Variants in ADORA2B observed in about 807,000 individuals in gnomAD.
ADORA2B encodes the protein adenosine A2b receptor, also known as adenosine receptor A2b.
In ADORA2B, 18 loss-of-function variants were observed where a neutral mutation model predicts 20.8. The observed-to-expected ratio is 0.87, with a 90% CI of 0.60 to 1.29. ADORA2B has a LOEUF of 1.29. ADORA2B is among the 50% of genes most tolerant of loss of function. The pLI is 0.00. For missense variants in ADORA2B, 441 were observed against 422.7 expected, an observed-to-expected ratio of 1.04 and a Z score of -0.38; for synonymous variants, 179 against 178.3, an observed-to-expected ratio of 1.00 and a Z score of -0.03.
chr17:15,943,425 C>T (rs1398384465), upstream of ADORA2B, among the ~76,000 whole-genome samples: 2 of 152,196 alleles, frequency 1.3e-5, no homozygotes, highest in African/African-American at 4.8e-5. Context: ...CCCCTGGCCT[C>T]AAAGGATCCT....
chr17:15,964,858 G>A (rs546601272), intron 1 of ADORA2B, among the ~76,000 whole-genome samples: 15 of 151,846 alleles, frequency 9.9e-5, no homozygotes, highest in South Asian at 2.1e-4. Context: ...TCAGGAGATC[G>A]AGACCATCCT....
At position 15,975,525 on chromosome 17, in the gene ADORA2B, T is replaced by G. The variant is rs954203409; in HGVS notation, c.*183T>G. The G allele has an allele frequency of 5.8e-5, 36 of 615,642 alleles. No individual in the cohort carries two copies. Among genetic ancestry groups the G allele is most frequent in the Non-Finnish European group, 9.3e-5 (33 of 354,894 alleles). The allele number at this position is 615,642 out of a possible 1,614,324, so 38.1% of individuals were successfully genotyped here. ...TGTGTCAGTAGTAGGCTCCAAGGAT[T>G]GACAAATATATTTATGATCTATTCA... is the stretch of plus-strand genomic sequence containing the variant. On this transcript the variant is annotated 3_prime_UTR_variant, in exon 2 of 2. Transcript: ENST00000304222.
At chr17:15,914,393 A>G in the ADORA2B span, among the ~76,000 whole-genome samples, 1 of 152,104 alleles carries the variant, frequency 6.6e-6, no homozygotes, top group Non-Finnish European at 1.5e-5. Context: ...TTGTAGAGAG[A>G]GGGCTCTTGC....
the ADORA2B span, among the ~76,000 whole-genome samples, chr17:15,867,902 T>A: frequency 2.0e-5 from 3 of 151,986 alleles, no homozygotes; most frequent in Non-Finnish European, 4.4e-5. Flanking sequence ...CGGGTCATGA[T>A]GACAATGGCG....
At chr17:15,875,760 T>G in the ADORA2B span, among the ~76,000 whole-genome samples, 1 of 152,184 alleles carries the variant, frequency 6.6e-6, no homozygotes. Flanking sequence ...TTTTTGTATT[T>G]TTAGTAGACG....
chr17:15,890,582 A>C, the ADORA2B span, among the ~76,000 whole-genome samples: 1 of 150,796 alleles, frequency 6.6e-6, no homozygotes, highest in Non-Finnish European at 1.5e-5. Context: ...TAATGTTGTA[A>C]TTTTGGTTTT....
chr17:15,975,465 T>G lies in ADORA2B; in HGVS notation c.*123T>G. ...GAAATGGACTGCCTCTCTTGAGCAC[T>G]TCCCTGGAGCTACCACGTATCTAGC... On this transcript the variant is annotated 3_prime_UTR_variant, in exon 2 of 2. Transcript: ENST00000304222. The G allele has an allele frequency of 1.0e-6, 1 of 971,568 alleles. No homozygotes were observed. The highest frequency in any genetic ancestry group is 1.5e-6 in the Non-Finnish European group (1 of 659,926). 60.2% of individuals were successfully genotyped at this position (971,568 alleles called of 1,614,324 possible). A position where few individuals can be genotyped will look rare whatever the true frequency, so the allele number is the denominator to read the frequency against.
At chr17:15,907,644 T>C in the ADORA2B span, among the ~76,000 whole-genome samples, 1 of 151,914 alleles carries the variant, frequency 6.6e-6, no homozygotes, top group Non-Finnish European at 1.5e-5. Context: ...ACCAGCAAAT[T>C]AGCAAAAAAT....
intron 1 of ADORA2B, among the ~76,000 whole-genome samples, chr17:15,972,334 C>G (rs1970198817): frequency 6.6e-6 from 1 of 152,202 alleles, no homozygotes; most frequent in African/African-American, 2.4e-5. Context: ...GGCAAGTCTT[C>G]AGGTAATGTC....
At chr17:15,882,278 A>C in the ADORA2B span, among the ~76,000 whole-genome samples, 1 of 152,138 alleles carries the variant, frequency 6.6e-6, no homozygotes, top group Non-Finnish European at 1.5e-5. Flanking sequence ...TGAGAGGAGC[A>C]TCTAGGAAGA....
At chr17:15,959,552 G>A (rs1970010366) in intron 1 of ADORA2B, among the ~76,000 whole-genome samples, 2 of 143,856 alleles carry the variant, frequency 1.4e-5, no homozygotes, top group Non-Finnish European at 1.5e-5. Flanking sequence ...CCAGGCTGGG[G>A]TGCAATGGCG....
At chr17:15,900,871 T>A in the ADORA2B span, among the ~76,000 whole-genome samples, 1 of 152,150 alleles carries the variant, frequency 6.6e-6, no homozygotes, top group Non-Finnish European at 1.5e-5. Context: ...AAGGAAAGCG[T>A]CTTAGCCAGC....
At chr17:15,966,012 G>A (rs187064194) in intron 1 of ADORA2B, among the ~76,000 whole-genome samples, 9 of 152,336 alleles carry the variant, frequency 5.9e-5, no homozygotes, top group African/African-American at 2.2e-4. Flanking sequence ...GTGCTCTAGT[G>A]ACAATGTTTT....
chr17:15,958,020 T>C (rs553863120), intron 1 of ADORA2B, among the ~76,000 whole-genome samples: 2 of 151,526 alleles, frequency 1.3e-5, no homozygotes, highest in South Asian at 2.1e-4. Context: ...TACACTTCCT[T>C]TTTTTTTTTT....
In ADORA2B at chr17:15,945,171, G is replaced by A. The variant is rs1421321333; in HGVS notation, c.-78G>A. The A allele has an allele frequency of 7.9e-7, 1 of 1,269,860 alleles. No individual in the cohort carries two copies. Among genetic ancestry groups the A allele is most frequent in the Non-Finnish European group, 1.0e-6 (1 of 986,564 alleles). The allele number at this position is 1,269,860 out of a possible 1,614,324, so 78.7% of individuals were successfully genotyped here. On this transcript the variant is annotated 5_prime_UTR_variant, in exon 1 of 2. An upstream start codon of the reference 5' UTR is lost. Transcript: ENST00000304222. ...GGCGCGGTCCGGGCGCTATGGCCAT[G>A]CCCGGCGGGTCTCACGCGGCTGCCC...
the ADORA2B span, among the ~76,000 whole-genome samples, chr17:15,905,374 G>A: frequency 1.3e-5 from 2 of 151,866 alleles, no homozygotes; most frequent in Non-Finnish European, 2.9e-5. Context: ...CAGTTGACTT[G>A]TTGTTGTTGT....
the ADORA2B span, among the ~76,000 whole-genome samples, chr17:15,891,136 G>C: frequency 6.6e-6 from 1 of 152,234 alleles, no homozygotes; most frequent in East Asian, 1.9e-4. Flanking sequence ...CGTGGTGGCG[G>C]GTGCCTGTAG....
intron 1 of ADORA2B, among the ~76,000 whole-genome samples, chr17:15,947,065 G>A (rs902008604): frequency 6.6e-6 from 1 of 152,110 alleles, no homozygotes; most frequent in Admixed American, 6.5e-5. Flanking sequence ...AGCCTTATGT[G>A]GGTGTCTGGC....
chr17:15,910,338 C>T, the ADORA2B span, among the ~76,000 whole-genome samples: 1 of 151,890 alleles, frequency 6.6e-6, no homozygotes, highest in Admixed American at 6.6e-5. Context: ...TGCTGTTTCA[C>T]CCAGGCTGGA....
Sources: allele counts gnomAD v4.1 joint callset (sites outside exome capture counted in the v4.1 genomes callset), GRCh38; gene constraint gnomAD v4.1.1; transcripts MANE v1.5; gene names NCBI Gene and HGNC (gene_info 2026-07-23, HGNC 2026-07-21).